Variants in CTNNA3 observed in about 807,000 individuals in gnomAD.
The protein encoded by CTNNA3 is catenin alpha 3.
A neutral mutation model predicts 95.7 loss-of-function variants in CTNNA3; 76 were observed. The ratio of observed to expected loss-of-function variants is 0.79; its 90% CI spans 0.66 to 0.96. CTNNA3 has a LOEUF of 0.96. Ranked by LOEUF, CTNNA3 falls within the 40% of genes least tolerant of loss-of-function variation. The pLI, the probability that CTNNA3 is intolerant of heterozygous loss-of-function variation, is 0.00. For synonymous variants in CTNNA3, 431 were observed against 374.4 expected, an observed-to-expected ratio of 1.15 and a Z score of -1.74; for missense variants, 1,191 against 1,089.8, an observed-to-expected ratio of 1.09 and a Z score of -1.31.
At chr10:66,854,053 T>C (rs543786814) in intron 7 of CTNNA3, among the ~76,000 whole-genome samples, 2 of 152,262 alleles carry the variant, frequency 1.3e-5, no homozygotes, top group African/African-American at 4.8e-5. Context: ...TTCCAGTTGC[T>C]AAAGTAAATG....
intron 15 of CTNNA3, among the ~76,000 whole-genome samples, chr10:66,011,761 C>A: frequency 6.6e-6 from 1 of 152,130 alleles, no homozygotes; most frequent in East Asian, 1.9e-4. Context: ...CGACACACAG[C>A]AACTCTCTTT....
intron 11 of CTNNA3, among the ~76,000 whole-genome samples, chr10:66,501,695 C>T (rs1373361406): frequency 6.6e-6 from 1 of 152,072 alleles, no homozygotes; most frequent in Non-Finnish European, 1.5e-5. Context: ...CTGTGAGAAA[C>T]TTTTCAGCTT....
rs988938787 is a variant in CTNNA3 at position 65,915,115 on chromosome 10, C to A, written c.*5215G>T. On this transcript the variant is annotated 3_prime_UTR_variant, in exon 18 of 18. Transcript: ENST00000433211. ...TAAGAACCTAGAACAGTGCCTGGAA[C>A]ATCACAGTTGTTTAACAAATAGCTG... 1 of 152,078 alleles carries A rather than the reference C, an allele frequency of 6.6e-6. No individual in the cohort carries two copies. Among genetic ancestry groups the A allele is most frequent in the Non-Finnish European group, 1.5e-5 (1 of 68,032 alleles). The allele number at this position is 152,078 out of a possible 1,614,324, so 9.4% of individuals were successfully genotyped here. A position where few individuals can be genotyped will look rare whatever the true frequency, so the allele number is the denominator to read the frequency against.
chr10:66,775,929 T>C (rs1840277919), intron 7 of CTNNA3, among the ~76,000 whole-genome samples: 1 of 152,200 alleles, frequency 6.6e-6, no homozygotes, highest in African/African-American at 2.4e-5. Flanking sequence ...ATTGTGTAAG[T>C]TATGCAGAGC....
In CTNNA3 at chr10:67,597,120, G is replaced by A. The variant is rs1008121307; in HGVS notation, c.292+9737C>T. On this transcript the variant is annotated intron_variant, in intron 3 of 17. Transcript: ENST00000433211. Reference sequence around the variant, plus strand: ...TCTTTCAGCTCTATCAGATCAGTTTGGTTCTTTCTTAAAATGGCTATTTTA... The same window carrying A: ...TCTTTCAGCTCTATCAGATCAGTTTAGTTCTTTCTTAAAATGGCTATTTTA... Among the ~76,000 whole-genome samples the A allele has an allele frequency of 3.9e-5, 6 of 152,042 alleles. No homozygotes were observed. The East Asian group carries it at 1.2e-3, about 29-fold the overall frequency.
At chr10:66,789,617 T>C (rs1197516976) in intron 7 of CTNNA3, among the ~76,000 whole-genome samples, 1 of 152,210 alleles carries the variant, frequency 6.6e-6, no homozygotes, top group East Asian at 1.9e-4. Flanking sequence ...CCAAGATCTT[T>C]TTTTATATAT....
intron 3 of CTNNA3, among the ~76,000 whole-genome samples, chr10:67,540,695 A>G (rs1840659251): frequency 6.6e-6 from 1 of 152,008 alleles, no homozygotes. Context: ...AGATTTTATA[A>G]GAAAACATAT....
intron 5 of CTNNA3, among the ~76,000 whole-genome samples, chr10:67,284,244 T>C (rs1358782012): frequency 6.6e-6 from 1 of 152,246 alleles, no homozygotes; most frequent in Admixed American, 6.5e-5. Flanking sequence ...GCCAGTGTTC[T>C]CATTGCTTTT....
intron 5 of CTNNA3, among the ~76,000 whole-genome samples, chr10:67,501,743 G>A (rs181117881): frequency 1.3e-3 from 200 of 151,644 alleles, no homozygotes; most frequent in African/African-American, 3.3e-3. Context: ...CTTTTCTTCC[G>A]CTTGATCGAT....
At chr10:66,451,512 A>G (rs2093464847) in intron 11 of CTNNA3, among the ~76,000 whole-genome samples, 3 of 152,170 alleles carry the variant, frequency 2.0e-5, no homozygotes, top group Non-Finnish European at 4.4e-5. Context: ...TCTAGATTCG[A>G]AGCAATTTGT....
At chr10:66,798,369 TA>T (rs34482299) in intron 7 of CTNNA3, among the ~76,000 whole-genome samples, 4,924 of 151,840 alleles carry the variant, frequency 0.032, 217 homozygotes, top group East Asian at 0.23. Context: ...AAGGATAGCT[TA>T]AAAAAAGTTA....
chr10:67,414,595 C>G (rs754834462), intron 5 of CTNNA3, among the ~76,000 whole-genome samples: 1 of 152,176 alleles, frequency 6.6e-6, no homozygotes, highest in Non-Finnish European at 1.5e-5. Context: ...AGACAAGCAT[C>G]AGCCTGATAC....
At chr10:66,220,426 A>C (rs2088858933) in intron 13 of CTNNA3, among the ~76,000 whole-genome samples, 1 of 152,166 alleles carries the variant, frequency 6.6e-6, no homozygotes, top group Non-Finnish European at 1.5e-5. Flanking sequence ...TCTGGGCGCC[A>C]GCAGGGGCAG....
chr10:66,067,893 AT>A (rs1297268298), intron 15 of CTNNA3, among the ~76,000 whole-genome samples: 1 of 152,082 alleles, frequency 6.6e-6, no homozygotes, highest in Non-Finnish European at 1.5e-5. Context: ...TCCAGCCTGG[AT>A]GACAGAGCGA....
intron 7 of CTNNA3, among the ~76,000 whole-genome samples, chr10:66,918,410 G>T (rs1162205955): frequency 1.3e-5 from 2 of 152,190 alleles, no homozygotes; most frequent in African/African-American, 4.8e-5. Flanking sequence ...TTACTCAAAA[G>T]TTCTTCAAAT....
At chr10:67,504,204 G>T (rs1839347242) in intron 5 of CTNNA3, among the ~76,000 whole-genome samples, 1 of 147,180 alleles carries the variant, frequency 6.8e-6, no homozygotes, top group South Asian at 2.1e-4. Context: ...TGTAATCCCA[G>T]AACTTGAGGA....
chr10:66,583,830 C>T (rs1843274232), intron 10 of CTNNA3, among the ~76,000 whole-genome samples: 1 of 151,772 alleles, frequency 6.6e-6, no homozygotes, highest in South Asian at 2.1e-4. Flanking sequence ...TATAAACTTT[C>T]CTCTTAGCTT....
chr10:67,112,289 T>G (rs1488248463), intron 7 of CTNNA3, among the ~76,000 whole-genome samples: 1 of 152,174 alleles, frequency 6.6e-6, no homozygotes, highest in Non-Finnish European at 1.5e-5. Context: ...TCCTTTGGCT[T>G]GGGGTGTAAT....
At chr10:66,339,976 A>G (rs764873102) in intron 12 of CTNNA3, among the ~76,000 whole-genome samples, 7 of 151,796 alleles carry the variant, frequency 4.6e-5, no homozygotes, top group Admixed American at 4.6e-4. Context: ...GGAGCCTTGC[A>G]GACATCCCTC....
Sources: gnomAD v4.1 joint callset for allele counts (sites outside exome capture counted in the v4.1 genomes callset) on GRCh38, gnomAD v4.1.1 for gene constraint, MANE v1.5 for transcripts, NCBI Gene and HGNC (gene_info 2026-07-23, HGNC 2026-07-21) for gene names.